KLHDC7B: variants seen among roughly 807,000 people sequenced by gnomAD.
KLHDC7B encodes kelch domain containing 7B, also known as kelch domain-containing protein 7B.
A neutral mutation model predicts 0.6 loss-of-function variants in KLHDC7B; 1 was observed. That is an observed-to-expected ratio of 1.71 (90% CI 0.61 to 8.11). The LOEUF is 8.11. Among genes scored for constraint, KLHDC7B ranks in the 30% most tolerant of loss-of-function variants. The pLI is 0.13. For missense variants in KLHDC7B, 993 were observed against 894.9 expected, an observed-to-expected ratio of 1.11 and a Z score of -1.40; for synonymous variants, 462 against 405.2, an observed-to-expected ratio of 1.14 and a Z score of -1.68.
In KLHDC7B at chr22:50,548,077, GCT is replaced by G; in HGVS notation, c.-89_-88del. Reference sequence around the variant, plus strand: ...AACCCCAGCCGCATCCCCTGCCCCAGCTGACGGGTCAAAGCCTCAGGAGAGTG... The same window carrying G: ...AACCCCAGCCGCATCCCCTGCCCCAGGACGGGTCAAAGCCTCAGGAGAGTG... On this transcript the variant is annotated 5_prime_UTR_variant, in exon 1 of 1. Coordinates refer to the KLHDC7B transcript ENST00000395676. This position sits in a 1 kb window ranked among gnomAD's most constrained non-coding sequence, Gnocchi z 5.3. 1 of 1,145,250 alleles carries G rather than the reference GCT, an allele frequency of 8.7e-7. No individual in the cohort carries two copies. The highest frequency in any genetic ancestry group is 1.1e-6 in the Non-Finnish European group (1 of 918,036). 70.9% of individuals were successfully genotyped at this position (1,145,250 alleles called of 1,614,324 possible).
chr22:50,546,678 C>T lies in KLHDC7B; in HGVS notation c.435C>T (p.Pro145=), dbSNP rs1054501662. Among the ~76,000 whole-genome samples, 10 of 152,160 alleles carry T rather than the reference C, an allele frequency of 6.6e-5. No individual in the cohort carries two copies. The highest frequency in any genetic ancestry group is 1.5e-4 in the Non-Finnish European group (10 of 68,002). The change falls in exon 1 of 1, where the codon CCC becomes CCT. Residue 145 remains proline (P), a synonymous_variant. Coordinates refer to ENST00000648057, the MANE Select transcript of KLHDC7B (RefSeq NM_138433.5). The part of the protein sequence containing the change: ...ALGQQRGSAT[P]AAPRAEGKEP... ...GACAGCAACGGGGCAGTGCCACCCCCGCGGCCCCCCGAGCGGAAGGAAAGG... is the reference window on the plus strand; with the variant it reads ...GACAGCAACGGGGCAGTGCCACCCCTGCGGCCCCCCGAGCGGAAGGAAAGG...
chr22:50,549,080 G>A lies in KLHDC7B; in HGVS notation c.2837G>A (p.Gly946Asp), dbSNP rs1462122546. The A allele has an allele frequency of 6.2e-7, 1 of 1,600,056 alleles. No individual in the cohort carries two copies. The highest frequency in any genetic ancestry group is 8.5e-7 in the Non-Finnish European group (1 of 1,179,366). ...TCAGGGCTCCCCAGGGGCCCTCGTGGCGAGGAGCCTCCTGCGGCGGCCCCT... is the reference window on the plus strand; with the variant it reads ...TCAGGGCTCCCCAGGGGCCCTCGTGACGAGGAGCCTCCTGCGGCGGCCCCT... ...GRSGLPRGPR[G>D]EEPPAAAPVS... Residue 946 changes from glycine (G) to aspartate (D), a missense_variant, in exon 1 of 1, where the codon GGC becomes GAC. By Grantham distance (94) the Gly-to-Asp change is moderately conservative. Transcript: ENST00000648057.
In KLHDC7B at chr22:50,549,483, C is replaced by A. The variant is rs2069779166; in HGVS notation, c.3240C>A (p.Phe1080Leu). ...GCGCGCCACTCCCCGCAGGCACCTT[C>A]CCTGTGGCCCACGAGGCTGTGGCCT... ...TPRAPLPAGT[F>L]PVAHEAVACR... The change falls in exon 1 of 1, where the codon TTC (phenylalanine) becomes TTA (leucine). Residue 1080 changes from phenylalanine (F) to leucine (L), a missense_variant. Phe to Leu is a conservative substitution (Grantham distance 22, BLOSUM62 0). Transcript: ENST00000648057. The A allele has an allele frequency of 6.2e-7, 1 of 1,612,452 alleles. No individual in the cohort carries two copies. The highest frequency in any genetic ancestry group is 1.7e-5 in the Admixed American group (1 of 59,990).
Position 50,548,373 on chromosome 22 carries a change from G to C in KLHDC7B, c.2130G>C (p.Glu710Asp). ...GTCAGCCACAGCCAAGAAGCTCCGAGACCAACGGATCGCCCAGCCCAGACC... is the reference window on the plus strand; with the variant it reads ...GTCAGCCACAGCCAAGAAGCTCCGACACCAACGGATCGCCCAGCCCAGACC... ...AGGQPQPRSSETNGSPSPDPP... is the reference protein window; with the variant it reads ...AGGQPQPRSSDTNGSPSPDPP... The change falls in exon 1 of 1, where the codon GAG becomes GAC. Residue 710 changes from glutamate to aspartate, a missense_variant. Transcript: ENST00000648057. This position sits in a 1 kb window ranked among gnomAD's most constrained non-coding sequence, Gnocchi z 5.3. 1 of 1,551,988 alleles carries C rather than the reference G, an allele frequency of 6.4e-7. No homozygotes were observed. The highest frequency in any genetic ancestry group is 8.7e-7 in the Non-Finnish European group (1 of 1,147,492).
rs149211452 is a variant in KLHDC7B at position 50,549,685 on chromosome 22, G to A, written c.3442G>A (p.Ala1148Thr). 3.0e-5 allele frequency: 46 copies of A among 1,557,258 alleles called. No homozygotes were observed. The highest frequency in any genetic ancestry group is 1.6e-4 in the African/African-American group (12 of 73,884). The change falls in exon 1 of 1, where the codon GCC becomes ACC. Residue 1148 changes from alanine (A) to threonine (T), a missense_variant. Transcript: ENST00000648057. The stretch of plus-strand genomic sequence containing the variant: ...CGACCTGCTGCGGGGCGTGGGCGCC[G>A]CCGTGATGCGCTACAACACAGTGAC... ...RFDLLRGVGA[A>T]VMRYNTVTGS...
rs1349196893 is a variant in KLHDC7B, at chr22:50,549,083, A to G, written c.2840A>G (p.Glu947Gly). The stretch of plus-strand genomic sequence containing the variant: ...GGGCTCCCCAGGGGCCCTCGTGGCG[A>G]GGAGCCTCCTGCGGCGGCCCCTGTG... ...RSGLPRGPRG[E>G]EPPAAAPVSL... Residue 947 changes from glutamate to glycine, a missense_variant, in exon 1 of 1, where the codon GAG becomes GGG. By Grantham distance (98) the Glu-to-Gly change is moderately conservative. Coordinates refer to ENST00000648057, the MANE Select transcript of KLHDC7B (RefSeq NM_138433.5). The G allele has an allele frequency of 6.2e-7, 1 of 1,600,236 alleles. No individual in the cohort carries two copies.
In KLHDC7B at chr22:50,545,912, C is replaced by G. The variant is rs1172883631; in HGVS notation, c.-332C>G. ...GGTCTACCAGGCAGAAGCAGGTTGGCTGTGATGACAGCACAGAGCTCAGGA... is the reference window on the plus strand; with the variant it reads ...GGTCTACCAGGCAGAAGCAGGTTGGGTGTGATGACAGCACAGAGCTCAGGA... On this transcript the variant is annotated 5_prime_UTR_variant, in exon 1 of 1. Transcript: ENST00000648057. 6.6e-6 allele frequency among the ~76,000 whole-genome samples: 1 copy of G among 152,136 alleles called. No homozygotes were observed. Among genetic ancestry groups the G allele is most frequent in the Non-Finnish European group, 1.5e-5 (1 of 68,008 alleles).
rs41282353 is a variant in KLHDC7B, at chr22:50,550,215, C to T, written c.*264C>T. 26 of 446,860 alleles carry T rather than the reference C, an allele frequency of 5.8e-5. No individual in the cohort carries two copies. Among genetic ancestry groups the T allele is most frequent in the Non-Finnish European group, 1.0e-4 (25 of 243,590 alleles). The allele number at this position is 446,860 out of a possible 1,614,324, so 27.7% of individuals were successfully genotyped here. On this transcript the variant is annotated 3_prime_UTR_variant, in exon 1 of 1. Transcript: ENST00000648057. ...TACAGACCCTCTCAGCTTGCTGACA[C>T]CCCCCTGTCTGTGGGACTCCCTATT...
In KLHDC7B at chr22:50,548,908, G is replaced by A. The variant is rs1233753465; in HGVS notation, c.2665G>A (p.Asp889Asn). 1 of 1,590,940 alleles carries A rather than the reference G, an allele frequency of 6.3e-7. No homozygotes were observed. The highest frequency in any genetic ancestry group is 8.5e-7 in the Non-Finnish European group (1 of 1,170,144). ...GCAGGAGACCTACGCGCTGATGAGC[G>A]ACAACCTGCTGCGAGTGCTGGGAGA... is the stretch of plus-strand genomic sequence containing the variant. Reference protein sequence around the residue: ...LAQETYALMSDNLLRVLGDPC... With the variant: ...LAQETYALMSNNLLRVLGDPC... The change falls in exon 1 of 1, where the codon GAC becomes AAC. Residue 889 changes from aspartate to asparagine, a missense_variant. Transcript: ENST00000648057. This position sits in a 1 kb window ranked among gnomAD's most constrained non-coding sequence, Gnocchi z 5.3.
rs1373407397 is a variant in KLHDC7B, at chr22:50,546,434, C to T, written c.191C>T (p.Ala64Val). 8 of 399,410 alleles carry T rather than the reference C, an allele frequency of 2.0e-5. No individual in the cohort carries two copies. In the East Asian group the frequency reaches 2.9e-4, roughly 14 times the overall value. 24.7% of individuals were successfully genotyped at this position (399,410 alleles called of 1,614,324 possible). A position where few individuals can be genotyped will look rare whatever the true frequency, so the allele number is the denominator to read the frequency against. Residue 64 changes from alanine to valine, a missense_variant, in exon 1 of 1, where the codon GCT (alanine) becomes GTT (valine). By Grantham distance (64) the Ala-to-Val change is moderately conservative. Coordinates refer to ENST00000648057, the MANE Select transcript of KLHDC7B (RefSeq NM_138433.5). ...AAEPVSTALG[A>V]QPHQAGGAEL... ...GAACCGGTGTCCACAGCCCTCGGGG[C>T]TCAACCTCATCAGGCAGGAGGAGCT...
rs2069734917 is a variant in KLHDC7B at position 50,546,861 on chromosome 22, G to A, written c.618G>A (p.Ala206=). Among the ~76,000 whole-genome samples, 1 of 152,046 alleles carries A rather than the reference G, an allele frequency of 6.6e-6. No homozygotes were observed. The highest frequency in any genetic ancestry group is 1.5e-5 in the Non-Finnish European group (1 of 67,944). The part of the protein sequence containing the change: ...RASSRQAAGP[A]GQQDTGPWQA... ...CCTCTCGCCAGGCCGCAGGCCCCGC[G>A]GGGCAACAGGACACTGGCCCCTGGC... Residue 206 remains alanine (A), a synonymous_variant, in exon 1 of 1, where the codon GCG becomes GCA. Transcript: ENST00000648057.
In KLHDC7B at chr22:50,549,931, C is replaced by A; in HGVS notation, c.3688C>A (p.Arg1230=). ...CATCCTGACTCTGCCCCCTGAGGAC[C>A]GGCTGCAGACCTCACTCTGAGTGGC... ...PFILTLPPED[R]LQTSL The change falls in exon 1 of 1, where the codon CGG becomes AGG. Residue 1230 remains arginine, a synonymous_variant. Transcript: ENST00000648057. 1.3e-6 allele frequency: 2 copies of A among 1,572,150 alleles called. No homozygotes were observed. Among genetic ancestry groups the A allele is most frequent in the Non-Finnish European group, 1.7e-6 (2 of 1,154,790 alleles).
Position 50,549,312 on chromosome 22 carries a change from C to G in KLHDC7B, c.3069C>G (p.Thr1023=), listed in dbSNP as rs373269356. The change falls in exon 1 of 1, where the codon ACC becomes ACG. Residue 1023 remains threonine, a synonymous_variant. Coordinates refer to ENST00000648057, the MANE Select transcript of KLHDC7B (RefSeq NM_138433.5). ...AGGTCTTCTGCTACAACCCTCTGAC[C>G]AACATCTGGAGCCAGGTTCGGCCCA... ...SNEVFCYNPL[T]NIWSQVRPMQ... The G allele has an allele frequency of 2.5e-6, 4 of 1,612,646 alleles. No homozygotes were observed. In the African/African-American group the frequency reaches 5.3e-5, roughly 22 times the overall value.
rs2069766511 is a variant in KLHDC7B at position 50,548,839 on chromosome 22, G to A, written c.2596G>A (p.Asp866Asn). The A allele has an allele frequency of 3.9e-6, 6 of 1,541,448 alleles. No homozygotes were observed. The highest frequency in any genetic ancestry group is 5.2e-6 in the Non-Finnish European group (6 of 1,147,086). The change falls in exon 1 of 1, where the codon GAC becomes AAC. Residue 866 changes from aspartate (D) to asparagine (N), a missense_variant. Asp to Asn is a conservative substitution (Grantham distance 23). Coordinates refer to ENST00000648057, the MANE Select transcript of KLHDC7B (RefSeq NM_138433.5). This position sits in a 1 kb window ranked among gnomAD's most constrained non-coding sequence, Gnocchi z 5.3. ...GCGGCTGGACCTGGGCAGTTGCCTG[G>A]ACGTGCTGGCCTTTGCCCAGCAGCA... is the stretch of plus-strand genomic sequence containing the variant. ...RRRLDLGSCLDVLAFAQQHGE... is the reference protein window; with the variant it reads ...RRRLDLGSCLNVLAFAQQHGE...
At position 50,546,877 on chromosome 22, in the gene KLHDC7B, G is replaced by A. The variant is rs971211673; in HGVS notation, c.634G>A (p.Gly212Ser). Among the ~76,000 whole-genome samples the A allele has an allele frequency of 2.6e-5, 4 of 152,052 alleles. No individual in the cohort carries two copies. Among genetic ancestry groups the A allele is most frequent in the Non-Finnish European group, 1.5e-5 (1 of 67,950 alleles). Residue 212 changes from glycine (G) to serine (S), a missense_variant, in exon 1 of 1, where the codon GGC (glycine) becomes AGC (serine). Transcript: ENST00000648057. ...AGGCCCCGCGGGGCAACAGGACACTGGCCCCTGGCAGGCGGGCGCGGGGCC... is the reference window on the plus strand; with the variant it reads ...AGGCCCCGCGGGGCAACAGGACACTAGCCCCTGGCAGGCGGGCGCGGGGCC... The part of the protein sequence containing the change: ...AAGPAGQQDT[G>S]PWQAGAGPSG...
In KLHDC7B at chr22:50,548,522, C is replaced by A. The variant is rs1434137179; in HGVS notation, c.2279C>A (p.Ser760Tyr). 5 of 1,554,608 alleles carry A rather than the reference C, an allele frequency of 3.2e-6. No homozygotes were observed. Among genetic ancestry groups the A allele is most frequent in the Non-Finnish European group, 4.3e-6 (5 of 1,149,606 alleles). Residue 760 changes from serine to tyrosine, a missense_variant, in exon 1 of 1, where the codon TCC becomes TAC. Ser to Tyr is a moderately radical substitution (Grantham distance 144). Coordinates refer to ENST00000648057, the MANE Select transcript of KLHDC7B (RefSeq NM_138433.5). This position sits in a 1 kb window ranked among gnomAD's most constrained non-coding sequence, Gnocchi z 5.3. Reference sequence around the variant, plus strand: ...AGGCCGCCTGGCCCCGCGGCCTCCTCCTCTGCGAGGCGCTCACAGCCGGTA... The same window carrying A: ...AGGCCGCCTGGCCCCGCGGCCTCCTACTCTGCGAGGCGCTCACAGCCGGTA... ...AQRPPGPAAS[S>Y]SARRSQPVPQ...
Position 50,548,501 on chromosome 22 carries a change from C to T in KLHDC7B, c.2258C>T (p.Pro753Leu), listed in dbSNP as rs370793329. Residue 753 changes from proline (P) to leucine (L), a missense_variant, in exon 1 of 1, where the codon CCG (proline) becomes CTG (leucine). Coordinates refer to ENST00000648057, the MANE Select transcript of KLHDC7B (RefSeq NM_138433.5). The surrounding 1 kb of genome is among the most constrained non-coding windows in gnomAD (Gnocchi z 5.3). ...RGPAQPPAQR[P>L]PGPAASSSAR... Reference sequence around the variant, plus strand: ...CCCGCACAGCCCCCCGCGCAGAGGCCGCCTGGCCCCGCGGCCTCCTCCTCT... The same window carrying T: ...CCCGCACAGCCCCCCGCGCAGAGGCTGCCTGGCCCCGCGGCCTCCTCCTCT... The T allele has an allele frequency of 1.1e-4, 169 of 1,558,086 alleles. No individual in the cohort carries two copies. The African/African-American group carries it at 2.1e-3, about 20-fold the overall frequency.
chr22:50,550,666 G>A lies in KLHDC7B; in HGVS notation c.*715G>A, dbSNP rs2069797622. The A allele has an allele frequency of 6.1e-6, 1 of 164,560 alleles. No individual in the cohort carries two copies. Among genetic ancestry groups the A allele is most frequent in the South Asian group, 2.0e-4 (1 of 4,888 alleles). The allele number at this position is 164,560 out of a possible 1,614,324, so 10.2% of individuals were successfully genotyped here. A position where few individuals can be genotyped will look rare whatever the true frequency, so the allele number is the denominator to read the frequency against. On this transcript the variant is annotated 3_prime_UTR_variant, in exon 1 of 1. Transcript: ENST00000648057. ...TCTCGCCAACCCCCGATCTCTAAAT[G>A]AGGCCTGAGCGTCACCCTAGTTCTG...
Position 50,548,586 on chromosome 22 carries a change from G to A in KLHDC7B, c.2343G>A (p.Pro781=), listed in dbSNP as rs775146455. 3 of 1,546,254 alleles carry A rather than the reference G, an allele frequency of 1.9e-6. No individual in the cohort carries two copies. The highest frequency in any genetic ancestry group is 1.2e-5 in the South Asian group (1 of 84,082). ...LRKRSRCEIA[P]SSEQEVRPAA... ...AACGCAGCAGGTGCGAAATCGCCCCGAGCTCGGAGCAGGAGGTCAGGCCGG... is the reference window on the plus strand; with the variant it reads ...AACGCAGCAGGTGCGAAATCGCCCCAAGCTCGGAGCAGGAGGTCAGGCCGG... Residue 781 remains proline, a synonymous_variant, in exon 1 of 1, where the codon CCG becomes CCA. Coordinates refer to ENST00000648057, the MANE Select transcript of KLHDC7B (RefSeq NM_138433.5). The surrounding 1 kb of genome is among the most constrained non-coding windows in gnomAD (Gnocchi z 5.3).
Sources: allele counts gnomAD v4.1 joint callset (sites outside exome capture counted in the v4.1 genomes callset), GRCh38; gene constraint gnomAD v4.1.1; non-coding constraint Gnocchi (gnomAD v3.1); transcripts MANE v1.5; gene names NCBI Gene and HGNC (gene_info 2026-07-23, HGNC 2026-07-21).